Variants in PPHLN1 observed in about 807,000 individuals in gnomAD.
PPHLN1 encodes the protein periphilin 1, also known as periphilin-1.
A neutral mutation model predicts 51.3 loss-of-function variants in PPHLN1; 29 were observed. The observed-to-expected ratio is 0.57, with a 90% CI of 0.42 to 0.77. The LOEUF (loss-of-function observed/expected upper bound fraction) is 0.77, where lower values mean the gene tolerates loss of function less well. Among genes scored for constraint, PPHLN1 ranks in the 30% least tolerant of loss-of-function variants. The pLI is 0.00. For missense variants in PPHLN1, 436 were observed against 438.4 expected (o/e 0.99, Z 0.05); for synonymous variants, 147 against 147.8 (o/e 0.99, Z 0.04).
Position 42,382,729 on chromosome 12 carries a change from A to G in PPHLN1, c.512-2211A>G, listed in dbSNP as rs1175401116. Among the ~76,000 whole-genome samples the G allele has an allele frequency of 2.0e-5, 3 of 152,240 alleles. No homozygotes were observed. The South Asian group carries it at 6.2e-4, about 31-fold the overall frequency. ...AGGAACAATAACCAACAAAAACGAAAGAGGAAGGGGTAGCTATGAAGATGT... is the reference window on the plus strand; with the variant it reads ...AGGAACAATAACCAACAAAAACGAAGGAGGAAGGGGTAGCTATGAAGATGT... On this transcript the variant is annotated intron_variant, in intron 5 of 9. Transcript: ENST00000358314.
intron 9 of PPHLN1, among the ~76,000 whole-genome samples, chr12:42,405,075 G>T (rs2079174997): frequency 6.6e-6 from 1 of 152,154 alleles, no homozygotes; most frequent in African/African-American, 2.4e-5. Context: ...GGGGGACTTT[G>T]TGATTTTGCT....
chr12:42,331,422 C>T (rs563978882), intron 1 of PPHLN1, among the ~76,000 whole-genome samples: 29 of 152,280 alleles, frequency 1.9e-4, no homozygotes, highest in Non-Finnish European at 3.8e-4. Flanking sequence ...AGGATATTGC[C>T]TATGACTTTG....
downstream of PPHLN1, chr12:42,446,627 C>G: frequency 1.2e-6 from 2 of 1,612,876 alleles, no homozygotes; most frequent in Non-Finnish European, 1.7e-6. Flanking sequence ...AACTGCTATG[C>G]CTGACAAAAC....
At chr12:42,388,174 A>G (rs2139074366) in intron 7 of PPHLN1, among the ~76,000 whole-genome samples, 1 of 152,280 alleles carries the variant, frequency 6.6e-6, no homozygotes, top group African/African-American at 2.4e-5. Flanking sequence ...AAAAGAGGAA[A>G]GCCTCTTGCA....
intron 4 of PPHLN1, among the ~76,000 whole-genome samples, chr12:42,371,086 C>T (rs1048655369): frequency 8.1e-5 from 12 of 148,678 alleles, no homozygotes; most frequent in African/African-American, 1.2e-4. Flanking sequence ...GGATTACAGG[C>T]GTGAGCCACC....
chr12:42,352,062 C>T lies in PPHLN1; in HGVS notation c.237+13C>T, dbSNP rs2073432147. ...ACCTCACAGAGGAGTATGTAAATTTCCCCCATGTACTAATTGTTATTTCTT... is the reference window on the plus strand; with the variant it reads ...ACCTCACAGAGGAGTATGTAAATTTTCCCCATGTACTAATTGTTATTTCTT... On this transcript the variant is annotated intron_variant, in intron 3 of 9. Transcript: ENST00000358314. 1.4e-6 allele frequency: 2 copies of T among 1,433,384 alleles called. No homozygotes were observed. Among genetic ancestry groups the T allele is most frequent in the Non-Finnish European group, 1.8e-6 (2 of 1,090,992 alleles). 88.8% of individuals were successfully genotyped at this position (1,433,384 alleles called of 1,614,324 possible). A position where few individuals can be genotyped will look rare whatever the true frequency, so the allele number is the denominator to read the frequency against.
Position 42,442,099 on chromosome 12 carries a change from C to A in PPHLN1, c.*590C>A. 1 of 381,162 alleles carries A rather than the reference C, an allele frequency of 2.6e-6. No homozygotes were observed. Among genetic ancestry groups the A allele is most frequent in the Non-Finnish European group, 3.6e-6 (1 of 277,798 alleles). The allele number at this position is 381,162 out of a possible 1,614,324, so 23.6% of individuals were successfully genotyped here. A position where few individuals can be genotyped will look rare whatever the true frequency, so the allele number is the denominator to read the frequency against. On this transcript the variant is annotated 3_prime_UTR_variant, in exon 10 of 10. Transcript: ENST00000358314. ...TACAATAATCCTGAAACTCCTGACT[C>A]TCTCACTGATGTATGAGTCTTAAAT...
At chr12:42,355,243 G>A (rs780553244) in intron 4 of PPHLN1, 21 bp downstream of exon 4, 2 of 1,599,754 alleles carry the variant, frequency 1.3e-6, no homozygotes, top group Non-Finnish European at 1.7e-6. Flanking sequence ...AAAAATAATA[G>A]CATAAGTACT....
At chr12:42,408,374 G>A in intron 9 of PPHLN1, among the ~76,000 whole-genome samples, 1 of 137,080 alleles carries the variant, frequency 7.3e-6, no homozygotes, top group Admixed American at 7.5e-5. Flanking sequence ...AGCCAAGTGT[G>A]GTGGCTTTTT....
intron 4 of PPHLN1, among the ~76,000 whole-genome samples, chr12:42,365,113 A>G (rs2075130363): frequency 1.3e-5 from 2 of 152,204 alleles, no homozygotes; most frequent in Non-Finnish European, 1.5e-5. Flanking sequence ...TTGATAGGAT[A>G]GAAGAAGAGG....
chr12:42,377,245 A>G (rs1274447460), intron 5 of PPHLN1, among the ~76,000 whole-genome samples: 1 of 151,862 alleles, frequency 6.6e-6, no homozygotes, highest in Non-Finnish European at 1.5e-5. Context: ...GCTCACATGC[A>G]CAGACATATC....
downstream of PPHLN1, chr12:42,442,984 T>G (rs547026924): frequency 1.0e-4 from 47 of 468,564 alleles, 1 homozygote; most frequent in South Asian, 1.4e-3. Flanking sequence ...TGGGAAAAAG[T>G]GGGGAGAAAT....
At chr12:42,408,745 C>T (rs934605574) in intron 9 of PPHLN1, among the ~76,000 whole-genome samples, 1 of 152,096 alleles carries the variant, frequency 6.6e-6, no homozygotes, top group South Asian at 2.1e-4. Context: ...AAGACATTGT[C>T]AGTAATCAAA....
intron 8 of PPHLN1, among the ~76,000 whole-genome samples, chr12:42,396,131 GAGTT>G (rs1009046497): frequency 1.3e-5 from 2 of 152,108 alleles, no homozygotes; most frequent in African/African-American, 2.4e-5. Context: ...AAGTTTAAAA[GAGTT>G]AGGTTGGTTT....
At chr12:42,433,102 G>T in intron 9 of PPHLN1, 1 of 780,718 alleles carries the variant, frequency 1.3e-6, no homozygotes, top group East Asian at 2.4e-5. Context: ...GGCCAAAGTT[G>T]TTCAAATGTG....
chr12:42,385,815 A>G (rs748672005), intron 6 of PPHLN1, among the ~76,000 whole-genome samples: 1 of 152,168 alleles, frequency 6.6e-6, no homozygotes, highest in African/African-American at 2.4e-5. Flanking sequence ...TAGGCCACAG[A>G]TATTTGGAAA....
intron 9 of PPHLN1, among the ~76,000 whole-genome samples, chr12:42,428,568 G>A (rs926592240): frequency 1.2e-4 from 18 of 152,076 alleles, no homozygotes; most frequent in African/African-American, 4.3e-4. Context: ...TAAGCTATGT[G>A]GGGTGCAAAG....
At chr12:42,343,193 A>C (rs1035345567) in intron 2 of PPHLN1, among the ~76,000 whole-genome samples, 3 of 151,652 alleles carry the variant, frequency 2.0e-5, no homozygotes, top group Non-Finnish European at 4.4e-5. Flanking sequence ...TAATGTTGAA[A>C]TATTTTTTCT....
At chr12:42,400,798 T>A (rs1024464236) in intron 9 of PPHLN1, among the ~76,000 whole-genome samples, 1 of 142,522 alleles carries the variant, frequency 7.0e-6, no homozygotes, top group African/African-American at 2.6e-5. Context: ...TCTCTCTCTT[T>A]CACACACACA....
Sources: allele counts gnomAD v4.1 joint callset (sites outside exome capture counted in the v4.1 genomes callset), GRCh38; gene constraint gnomAD v4.1.1; transcripts MANE v1.5; gene names NCBI Gene and HGNC (gene_info 2026-07-23, HGNC 2026-07-21).